Variants in MASP1 observed in about 807,000 individuals in gnomAD.
The protein encoded by MASP1 is MBL associated serine protease 1.
MASP1 carries 59 observed loss-of-function variants against 77.1 expected under a neutral mutation model. That is an observed-to-expected ratio of 0.77 (90% CI 0.62 to 0.95). The LOEUF (loss-of-function observed/expected upper bound fraction) is 0.95, where lower values mean the gene tolerates loss of function less well. Among genes scored for constraint, MASP1 ranks in the 40% least tolerant of loss-of-function variants. MASP1 has a pLI of 0.00. For missense variants in MASP1, 885 were observed against 912.9 expected (o/e 0.97, Z 0.39); for synonymous variants, 362 against 354.5 (o/e 1.02, Z -0.24).
Position 187,234,496 on chromosome 3 carries a change from A to G in MASP1, c.*1188T>C. 1 of 1,286,172 alleles carries G rather than the reference A, an allele frequency of 7.8e-7. No homozygotes were observed. The highest frequency in any genetic ancestry group is 2.3e-5 in the Admixed American group (1 of 43,562). The allele number at this position is 1,286,172 out of a possible 1,614,324, so 79.7% of individuals were successfully genotyped here. On this transcript the variant is annotated 3_prime_UTR_variant, in exon 11 of 11. Transcript: ENST00000296280. ...CAAAGAAAATGATTTTTCAAAGGTTATACAGCCAGTTGGGGGCAGAGCAGG... is the reference window on the plus strand; with the variant it reads ...CAAAGAAAATGATTTTTCAAAGGTTGTACAGCCAGTTGGGGGCAGAGCAGG...
downstream of MASP1, chr3:187,229,715 G>T: frequency 1.2e-6 from 2 of 1,610,164 alleles, no homozygotes; most frequent in Non-Finnish European, 1.7e-6. Flanking sequence ...TCTCCAAGGA[G>T]GGGGTTCAGT....
rs375462406 is a variant in MASP1 at position 187,225,417 on chromosome 3, C to G, written c.1648G>C (p.Glu550Gln). 8.7e-6 allele frequency: 14 copies of G among 1,614,206 alleles called. No homozygotes were observed. The East Asian group carries it at 2.7e-4, about 31-fold the overall frequency. ...AGCTCCACCAGAGCCACGTCATTCT[C>G]GAATGTGTTGGGATCATACTGGGGG... The change falls in exon 13 of 16, where the codon GAG becomes CAG. Residue 550 changes from glutamate (E) to glutamine (Q), a missense_variant. By Grantham distance (29) the Glu-to-Gln change is conservative. Transcript: ENST00000337774.
rs763113327 is a variant in MASP1 at position 187,251,623 on chromosome 3, A to G, written c.1011+11T>C. ...CCTGGTCACTCCCCTTTCCCAGGCAAGGCTCTGCACCTTCAGCACTTTGTA... is the reference window on the plus strand; with the variant it reads ...CCTGGTCACTCCCCTTTCCCAGGCAGGGCTCTGCACCTTCAGCACTTTGTA... On this transcript the variant is annotated intron_variant, in intron 7 of 10. Coordinates refer to ENST00000296280, the MANE Select transcript of MASP1 (RefSeq NM_139125.4). The G allele has an allele frequency of 1.0e-4, 161 of 1,611,028 alleles. No individual in the cohort carries two copies. The highest frequency in any genetic ancestry group is 1.4e-4 in the Non-Finnish European group (159 of 1,177,398).
intron 2 of MASP1, among the ~76,000 whole-genome samples, chr3:187,275,710 G>A (rs1716905926): frequency 6.6e-6 from 1 of 152,050 alleles, no homozygotes; most frequent in South Asian, 2.1e-4. Flanking sequence ...ATGCTCTGCG[G>A]GCTCTCTGTG....
chr3:187,257,227 C>T (rs1484598197), intron 4 of MASP1, among the ~76,000 whole-genome samples: 1 of 152,094 alleles, frequency 6.6e-6, no homozygotes, highest in Non-Finnish European at 1.5e-5. Flanking sequence ...CCCAGAACTT[C>T]AGGAGATCCC....
At chr3:187,254,759 A>G (rs576096681) in intron 5 of MASP1, among the ~76,000 whole-genome samples, 1 of 152,168 alleles carries the variant, frequency 6.6e-6, no homozygotes. Context: ...AGAGAAGGCA[A>G]TAGGCTCTAT....
At chr3:187,282,128 G>C (rs1207365994) in intron 2 of MASP1, among the ~76,000 whole-genome samples, 1 of 152,126 alleles carries the variant, frequency 6.6e-6, no homozygotes, top group Non-Finnish European at 1.5e-5. Context: ...AACCAAGAAG[G>C]ATGAGCAAGC....
intron 2 of MASP1, among the ~76,000 whole-genome samples, chr3:187,268,908 T>C (rs993801930): frequency 2.6e-5 from 4 of 151,868 alleles, no homozygotes; most frequent in Non-Finnish European, 4.4e-5. Flanking sequence ...CTACCAAAAA[T>C]ACAAAAATTA....
chr3:187,235,842 G>A lies in MASP1; in HGVS notation c.2029C>T (p.Arg677Cys), dbSNP rs368168610. ...GACACCAGGCCTTGCACCACCCAGC[G>A]CTGGCTCAAGTCATCAAAGATGACA... The part of the protein sequence containing the change: ...AFVIFDDLSQ[R>C]WVVQGLVSWG... Residue 677 changes from arginine (R) to cysteine (C), a missense_variant, in exon 11 of 11, where the codon CGC becomes TGC. Arg to Cys is a radical substitution (Grantham distance 180). Transcript: ENST00000296280. The A allele has an allele frequency of 1.4e-5, 23 of 1,614,044 alleles. No homozygotes were observed. The highest frequency in any genetic ancestry group is 4.0e-5 in the African/African-American group (3 of 74,924).
chr3:187,275,079 A>T (rs547582028), intron 2 of MASP1, among the ~76,000 whole-genome samples: 1 of 151,978 alleles, frequency 6.6e-6, no homozygotes, highest in East Asian at 1.9e-4. Context: ...CCCTTCTGGG[A>T]CTCCAGAGCT....
intron 8 of MASP1, chr3:187,246,470 G>A: frequency 1.0e-6 from 1 of 985,298 alleles, no homozygotes; most frequent in Non-Finnish European, 1.2e-6. Context: ...GACTGCCCAG[G>A]GTTCTCCCCT....
chr3:187,219,967 G>A lies in MASP1; in HGVS notation c.*104C>T, dbSNP rs1195170390. ...GCCCAGTAATGGATAGGCCGAAGGAGGGGGGATGGGAGGAAGGAAAGGAGA... is the reference window on the plus strand; with the variant it reads ...GCCCAGTAATGGATAGGCCGAAGGAAGGGGGATGGGAGGAAGGAAAGGAGA... On this transcript the variant is annotated 3_prime_UTR_variant, in exon 16 of 16. Coordinates refer to the MASP1 transcript ENST00000337774. 7.5e-6 allele frequency: 9 copies of A among 1,199,320 alleles called. No individual in the cohort carries two copies. The African/African-American group carries it at 1.3e-4, about 18-fold the overall frequency. The allele number at this position is 1,199,320 out of a possible 1,614,324, so 74.3% of individuals were successfully genotyped here. A position where few individuals can be genotyped will look rare whatever the true frequency, so the allele number is the denominator to read the frequency against.
At chr3:187,220,020 C>T (rs776997817) in exon 16 of MASP1, 1 of 1,594,316 alleles carries the variant, frequency 6.3e-7, no homozygotes, top group East Asian at 2.2e-5. Flanking sequence ...GAGGATCGTC[C>T]TCTGCTACTG....
At position 187,260,853 on chromosome 3, in the gene MASP1, C is replaced by T. The variant is rs1715516480; in HGVS notation, c.435G>A (p.Glu145=). The T allele has an allele frequency of 6.2e-7, 1 of 1,614,144 alleles. No individual in the cohort carries two copies. The highest frequency in any genetic ancestry group is 1.1e-5 in the South Asian group (1 of 91,076). Residue 145 remains glutamate, a synonymous_variant, in exon 4 of 11, where the codon GAG becomes GAA. Transcript: ENST00000296280. ...YMAVDVDECK[E]REDEELSCDH... ...CACAGGACAGCTCCTCGTCCTCCCT[C>T]TCCTTGCACTCGTCCACATCTGTAG... is the stretch of plus-strand genomic sequence containing the variant.
intron 10 of MASP1, among the ~76,000 whole-genome samples, chr3:187,240,986 C>A (rs1292602277): frequency 3.3e-5 from 5 of 152,186 alleles, no homozygotes; most frequent in Non-Finnish European, 7.3e-5. Context: ...TGCACAGTAA[C>A]ACTTCCTGTT....
Position 187,235,232 on chromosome 3 carries a change from G to C in MASP1, c.*452C>G, listed in dbSNP as rs1175638804. The C allele has an allele frequency of 5.4e-6, 7 of 1,289,894 alleles. No individual in the cohort carries two copies. Among genetic ancestry groups the C allele is most frequent in the Non-Finnish European group, 7.1e-6 (7 of 990,718 alleles). The allele number at this position is 1,289,894 out of a possible 1,614,324, so 79.9% of individuals were successfully genotyped here. A position where few individuals can be genotyped will look rare whatever the true frequency, so the allele number is the denominator to read the frequency against. ...AAGGCTAGTCCCAGAAGGCAGAGCAGGAAAATATACAGATGCGGCATTCAG... is the reference window on the plus strand; with the variant it reads ...AAGGCTAGTCCCAGAAGGCAGAGCACGAAAATATACAGATGCGGCATTCAG... On this transcript the variant is annotated 3_prime_UTR_variant, in exon 11 of 11. Transcript: ENST00000296280.
intron 2 of MASP1, among the ~76,000 whole-genome samples, chr3:187,283,268 T>A (rs1717582628): frequency 6.6e-6 from 1 of 152,238 alleles, no homozygotes; most frequent in African/African-American, 2.4e-5. Flanking sequence ...TCCAGTGTCT[T>A]TAATTCAGTG....
intron 2 of MASP1, among the ~76,000 whole-genome samples, chr3:187,271,156 A>G (rs563804845): frequency 6.6e-6 from 1 of 152,286 alleles, no homozygotes; most frequent in South Asian, 2.1e-4. Flanking sequence ...AGTCTAACTT[A>G]TTATCTTTTT....
At chr3:187,261,526 A>G (rs1715577488) in intron 3 of MASP1, among the ~76,000 whole-genome samples, 1 of 152,246 alleles carries the variant, frequency 6.6e-6, no homozygotes, top group South Asian at 2.1e-4. Context: ...ATGAGGTACC[A>G]CTACATACTC....
Sources: allele counts gnomAD v4.1 joint callset (sites outside exome capture counted in the v4.1 genomes callset), GRCh38; gene constraint gnomAD v4.1.1; transcripts MANE v1.5; gene names NCBI Gene and HGNC (gene_info 2026-07-23, HGNC 2026-07-21).